The following AK9 variants were observed in gnomAD, a reference collection of about 807,000 sequenced individuals.
AK9 encodes adenylate kinase 9.
In AK9, 191 loss-of-function variants were observed where a neutral mutation model predicts 239.6. That is an observed-to-expected ratio of 0.80 (90% CI 0.71 to 0.90). The LOEUF (loss-of-function observed/expected upper bound fraction) is 0.90. Among genes scored for constraint, AK9 ranks in the 40% least tolerant of loss-of-function variants. The pLI is 0.00. For missense variants in AK9, 1,995 were observed against 2,214.7 expected, an observed-to-expected ratio of 0.90 and a Z score of 1.99; for synonymous variants, 689 against 721.0, an observed-to-expected ratio of 0.96 and a Z score of 0.71.
In AK9 at chr6:109,674,119, T is replaced by C; in HGVS notation, c.181+79A>G. The C allele has an allele frequency of 2.6e-6, 3 of 1,176,172 alleles. No individual in the cohort carries two copies. The South Asian group carries it at 5.0e-5, about 20-fold the overall frequency. 72.9% of individuals were successfully genotyped at this position (1,176,172 alleles called of 1,614,324 possible). ...CTCTAGATGGTGAGTATATGGGCATTCACTGTATAATTATCTCCATTTTAT... is the reference window on the plus strand; with the variant it reads ...CTCTAGATGGTGAGTATATGGGCATCCACTGTATAATTATCTCCATTTTAT... On this transcript the variant is annotated intron_variant, in intron 3 of 40. Transcript: ENST00000424296.
chr6:109,683,531 G>A (rs1364661548), intron 1 of AK9, among the ~76,000 whole-genome samples: 2 of 152,168 alleles, frequency 1.3e-5, no homozygotes, highest in Admixed American at 6.5e-5. Context: ...TCCTTAAGCT[G>A]ATAAGCAACT....
chr6:109,524,805 T>C (rs1055807645), intron 29 of AK9, among the ~76,000 whole-genome samples: 5 of 152,120 alleles, frequency 3.3e-5, no homozygotes, highest in Non-Finnish European at 7.4e-5. Flanking sequence ...AGGATGTTAG[T>C]GGGTTGGAGA....
chr6:109,497,751 G>T, intron 37 of AK9, 45 bp downstream of exon 37: 2 of 1,578,150 alleles, frequency 1.3e-6, no homozygotes, highest in South Asian at 1.1e-5. Flanking sequence ...CCACTTCTTT[G>T]GCGTAGCAAT....
rs1395010968 is a variant in AK9, at chr6:109,595,119, G to A, written c.1843-9047C>T. On this transcript the variant is annotated intron_variant, in intron 17 of 40. Coordinates refer to ENST00000424296, the MANE Select transcript of AK9 (RefSeq NM_001145128.3). ...TTTTGCAATCTATGCATCTGACAAA[G>A]GGCTAATATCCAGAATCTACAAGAA... Among the ~76,000 whole-genome samples the A allele has an allele frequency of 3.3e-5, 5 of 152,146 alleles. No homozygotes were observed. The East Asian group carries it at 9.6e-4, about 29-fold the overall frequency.
At chr6:109,528,914 G>C (rs1271782450) in intron 29 of AK9, 97 bp downstream of exon 29, 3 of 1,537,422 alleles carry the variant, frequency 2.0e-6, no homozygotes, top group Non-Finnish European at 2.6e-6. Context: ...TTGAGCCCAG[G>C]AGTTCGAGGT....
intron 24 of AK9, among the ~76,000 whole-genome samples, chr6:109,553,428 G>A (rs1344870582): frequency 2.6e-5 from 4 of 152,050 alleles, no homozygotes; most frequent in Non-Finnish European, 5.9e-5. Flanking sequence ...TCCCTTGTTA[G>A]CTGTATTCCT....
intron 32 of AK9, among the ~76,000 whole-genome samples, chr6:109,513,700 C>A (rs1335485770): frequency 6.6e-6 from 1 of 152,160 alleles, no homozygotes; most frequent in Non-Finnish European, 1.5e-5. Context: ...CACCTTTGAC[C>A]CACTTCCTTG....
intron 1 of AK9, among the ~76,000 whole-genome samples, chr6:109,687,277 G>C (rs1773643214): frequency 6.6e-6 from 1 of 152,154 alleles, no homozygotes; most frequent in African/African-American, 2.4e-5. Context: ...GAGTTCTGGG[G>C]AAGAAGCATG....
intron 29 of AK9, among the ~76,000 whole-genome samples, chr6:109,525,596 A>T (rs1211345038): frequency 1.3e-5 from 2 of 152,240 alleles, no homozygotes; most frequent in Admixed American, 6.5e-5. Flanking sequence ...ATGCAAATCG[A>T]AAACACAGTG....
chr6:109,561,213 A>C (rs1785721207), intron 24 of AK9, among the ~76,000 whole-genome samples: 1 of 152,194 alleles, frequency 6.6e-6, no homozygotes, highest in East Asian at 1.9e-4. Flanking sequence ...CGGCTTCCCA[A>C]AGTGCTGGGA....
At chr6:109,578,501 TA>T (rs1447040421) in intron 20 of AK9, among the ~76,000 whole-genome samples, 2 of 152,212 alleles carry the variant, frequency 1.3e-5, no homozygotes, top group African/African-American at 2.4e-5. Flanking sequence ...TTTATTTATT[TA>T]TTTTTTTGTT....
intron 31 of AK9, 60 bp downstream of exon 31, chr6:109,515,797 A>T: frequency 7.1e-7 from 1 of 1,411,092 alleles, no homozygotes; most frequent in East Asian, 2.5e-5. Flanking sequence ...TTTAAAAAAG[A>T]CATACCTTTG....
chr6:109,521,655 C>T (rs908415657), intron 29 of AK9, among the ~76,000 whole-genome samples: 1 of 152,054 alleles, frequency 6.6e-6, no homozygotes, highest in Non-Finnish European at 1.5e-5. Flanking sequence ...ATCCAATAAA[C>T]AGCACCTGCT....
At chr6:109,670,811 T>C (rs949901571) in intron 5 of AK9, among the ~76,000 whole-genome samples, 1 of 152,186 alleles carries the variant, frequency 6.6e-6, no homozygotes, top group Non-Finnish European at 1.5e-5. Context: ...TTTTTACTTA[T>C]CCAGCCTTCC....
chr6:109,518,787 C>G (rs1429888901), intron 29 of AK9, among the ~76,000 whole-genome samples: 1 of 151,850 alleles, frequency 6.6e-6, no homozygotes, highest in African/African-American at 2.4e-5. Context: ...GAACATACAT[C>G]TCAATTTTTT....
Position 109,659,419 on chromosome 6 carries a change from A to G in AK9, c.445-6T>C, listed in dbSNP as rs1483066082. 1 of 1,587,986 alleles carries G rather than the reference A, an allele frequency of 6.3e-7. No individual in the cohort carries two copies. The highest frequency in any genetic ancestry group is 8.6e-7 in the Non-Finnish European group (1 of 1,165,876). On this transcript the variant is annotated splice_polypyrimidine_tract_variant and splice_region_variant and intron_variant, in intron 6 of 40. Coordinates refer to ENST00000424296, the MANE Select transcript of AK9 (RefSeq NM_001145128.3). ...CACAAATCATAGTCAGGACACTAAG[A>G]AACAACATTATTAAATCACTTAAAA...
At chr6:109,597,076 G>A (rs1184511441) in intron 17 of AK9, among the ~76,000 whole-genome samples, 2 of 150,520 alleles carry the variant, frequency 1.3e-5, no homozygotes, top group African/African-American at 4.9e-5. Context: ...CTAACATTGT[G>A]TTTTTTTTTA....
intron 25 of AK9, among the ~76,000 whole-genome samples, chr6:109,547,754 C>A (rs1262443518): frequency 3.3e-5 from 5 of 149,416 alleles, no homozygotes; most frequent in South Asian, 2.1e-4. Context: ...AGTAAAGAGA[C>A]AACCTACAGA....
intron 3 of AK9, among the ~76,000 whole-genome samples, 161 bp from the exon 4 acceptor site, chr6:109,672,328 C>A (rs907485088): frequency 6.6e-6 from 1 of 152,180 alleles, no homozygotes; most frequent in African/African-American, 2.4e-5. Context: ...TAAGCCTAAC[C>A]AAAGCAGAAG....
Sources: gnomAD v4.1 joint callset for allele counts (sites outside exome capture counted in the v4.1 genomes callset) on GRCh38, gnomAD v4.1.1 for gene constraint, MANE v1.5 for transcripts, NCBI Gene and HGNC (gene_info 2026-07-23, HGNC 2026-07-21) for gene names.